TRIP12: variants seen among roughly 807,000 people sequenced by gnomAD.
The protein encoded by TRIP12 is E3 ubiquitin-protein ligase TRIP12.
In TRIP12, 25 loss-of-function variants were observed where a neutral mutation model predicts 244.2. The observed-to-expected ratio is 0.10, with a 90% CI of 0.07 to 0.14. The LOEUF (loss-of-function observed/expected upper bound fraction) is 0.14. Among genes scored for constraint, TRIP12 ranks in the 10% least tolerant of loss-of-function variants. TRIP12 has a pLI of 1.00. For synonymous variants in TRIP12, 905 were observed against 873.1 expected, an observed-to-expected ratio of 1.04 and a Z score of -0.64; for missense variants, 1,677 against 2,486.4, an observed-to-expected ratio of 0.67 and a Z score of 6.92.
At chr2:229,814,156 C>G in intron 12 of TRIP12, 77 bp downstream of exon 12, 1 of 1,551,688 alleles carries the variant, frequency 6.4e-7, no homozygotes. Flanking sequence ...AAACTGCAAT[C>G]AAGTAGCCTG....
chr2:229,913,184 T>C (rs752769727), intron 1 of TRIP12, among the ~76,000 whole-genome samples: 3 of 152,194 alleles, frequency 2.0e-5, no homozygotes, highest in Non-Finnish European at 4.4e-5. Context: ...CAACAATTTA[T>C]TTAGTATAGC....
chr2:229,807,994 C>G, intron 16 of TRIP12, 130 bp from the exon 17 acceptor site: 5 of 995,576 alleles, frequency 5.0e-6, no homozygotes, highest in African/African-American at 1.6e-5. Context: ...GAGACAGAGT[C>G]TCACTCTGTC....
chr2:229,902,076 T>A (rs2071063181), intron 1 of TRIP12, among the ~76,000 whole-genome samples: 2 of 152,132 alleles, frequency 1.3e-5, no homozygotes, highest in South Asian at 4.1e-4. Context: ...AAGAAATAAT[T>A]TCACTAACCT....
chr2:229,897,549 G>A (rs1038404228), intron 1 of TRIP12, among the ~76,000 whole-genome samples: 2 of 152,256 alleles, frequency 1.3e-5, no homozygotes, highest in African/African-American at 4.8e-5. Flanking sequence ...ACCGGAGGCT[G>A]AGGCAGGAGA....
intron 2 of TRIP12, among the ~76,000 whole-genome samples, chr2:229,860,805 G>A (rs950344552): frequency 6.6e-6 from 1 of 152,096 alleles, no homozygotes; most frequent in African/African-American, 2.4e-5. Flanking sequence ...TGCTTAAGCA[G>A]TAACACATTT....
At chr2:229,810,539 C>G (rs907157161) in intron 15 of TRIP12, among the ~76,000 whole-genome samples, 2 of 152,090 alleles carry the variant, frequency 1.3e-5, no homozygotes, top group African/African-American at 4.8e-5. Flanking sequence ...GAAAAAGCAA[C>G]CTATATAAGC....
chr2:229,836,803 G>A, intron 6 of TRIP12, 45 bp downstream of exon 6: 1 of 1,564,980 alleles, frequency 6.4e-7, no homozygotes, highest in Non-Finnish European at 8.6e-7. Context: ...CATCAAATCT[G>A]TAAAAGACAG....
chr2:229,854,859 A>C (rs552224633), intron 4 of TRIP12, among the ~76,000 whole-genome samples: 1 of 152,198 alleles, frequency 6.6e-6, no homozygotes, highest in Non-Finnish European at 1.5e-5. Context: ...TCTGAGATCA[A>C]CTGGCCTGGG....
chr2:229,874,049 TAAAAA>T (rs796344448), intron 2 of TRIP12, among the ~76,000 whole-genome samples: 1 of 141,202 alleles, frequency 7.1e-6, no homozygotes, highest in Admixed American at 7.1e-5. Context: ...AAATAAACCA[TAAAAA>T]AAAAACAGAA....
At chr2:229,912,472 T>C (rs2074478486) in intron 1 of TRIP12, among the ~76,000 whole-genome samples, 1 of 152,200 alleles carries the variant, frequency 6.6e-6, no homozygotes, top group Admixed American at 6.6e-5. Flanking sequence ...TGTTATTTCA[T>C]ATATATGGAC....
chr2:229,870,497 G>T (rs1252944293), intron 2 of TRIP12, among the ~76,000 whole-genome samples: 3 of 152,298 alleles, frequency 2.0e-5, no homozygotes, highest in Non-Finnish European at 4.4e-5. Flanking sequence ...AGTGCTTTGG[G>T]ATCTGTATAA....
At chr2:229,818,583 G>A (rs2049086049) in intron 8 of TRIP12, 71 bp from the exon 9 acceptor site, 6 of 1,417,538 alleles carry the variant, frequency 4.2e-6, no homozygotes, top group South Asian at 1.3e-5. Flanking sequence ...GGTGTGACTC[G>A]AAATGTAATT....
intron 4 of TRIP12, among the ~76,000 whole-genome samples, chr2:229,854,205 C>G (rs1038305018): frequency 1.3e-5 from 2 of 152,116 alleles, no homozygotes; most frequent in Non-Finnish European, 2.9e-5. Context: ...TTCTCAGTCT[C>G]CAATGTTTAT....
chr2:229,851,526 G>C (rs571736141), intron 4 of TRIP12, among the ~76,000 whole-genome samples: 55 of 152,240 alleles, frequency 3.6e-4, no homozygotes, highest in African/African-American at 1.2e-3. Context: ...CAGGCTGCCC[G>C]AGCCAGCAGT....
intron 39 of TRIP12, among the ~76,000 whole-genome samples, chr2:229,769,976 T>C (rs1485750934): frequency 1.3e-5 from 2 of 152,106 alleles, no homozygotes; most frequent in African/African-American, 4.8e-5. Flanking sequence ...CACTGTCTGG[T>C]CCTATATATT....
intron 22 of TRIP12, 49 bp from the exon 23 acceptor site, chr2:229,799,098 T>C: frequency 6.3e-7 from 1 of 1,598,308 alleles, no homozygotes; most frequent in South Asian, 1.1e-5. Flanking sequence ...GTTTAAGTGA[T>C]GAAAAACAAC....
chr2:229,917,546 C>A (rs1265372426), intron 1 of TRIP12, among the ~76,000 whole-genome samples: 1 of 151,992 alleles, frequency 6.6e-6, no homozygotes, highest in Non-Finnish European at 1.5e-5. Context: ...TTAACTAAAG[C>A]TTGGCCTATG....
chr2:229,812,980 T>A (rs2154280468), intron 13 of TRIP12, among the ~76,000 whole-genome samples: 1 of 152,248 alleles, frequency 6.6e-6, no homozygotes, highest in Middle Eastern at 3.4e-3. Context: ...TAAAAAAAAA[T>A]TCAATTTCTC....
chr2:229,881,252 A>G (rs2064818215), intron 1 of TRIP12, among the ~76,000 whole-genome samples: 1 of 152,260 alleles, frequency 6.6e-6, no homozygotes, highest in Non-Finnish European at 1.5e-5. Flanking sequence ...TTGTGCAGAT[A>G]AAATATCGAA....
Sources: gnomAD v4.1 joint callset for allele counts (sites outside exome capture counted in the v4.1 genomes callset) on GRCh38, gnomAD v4.1.1 for gene constraint, MANE v1.5 for transcripts, NCBI Gene and HGNC (gene_info 2026-07-23, HGNC 2026-07-21) for gene names.